WASF2: variants seen among roughly 807,000 people sequenced by gnomAD.
WASF2 encodes actin-binding protein WASF2.
WASF2 carries 14 observed loss-of-function variants against 45.0 expected under a neutral mutation model. The ratio of observed to expected loss-of-function variants is 0.31; its 90% CI spans 0.21 to 0.49. WASF2 has a LOEUF of 0.49. WASF2 is among the 20% of genes least tolerant of loss of function. The pLI is 0.99. For missense variants in WASF2, 439 were observed against 636.1 expected (o/e 0.69, Z 3.33); for synonymous variants, 200 against 236.3 (o/e 0.85, Z 1.41).
intron 1 of WASF2, among the ~76,000 whole-genome samples, chr1:27,438,673 C>T (rs188140606): frequency 2.6e-5 from 4 of 152,246 alleles, no homozygotes; most frequent in Admixed American, 2.0e-4. Flanking sequence ...AGCAGGTGGG[C>T]GGAAGCAGCA....
At chr1:27,415,860 G>T in intron 5 of WASF2, 125 bp downstream of exon 5, 1 of 765,466 alleles carries the variant, frequency 1.3e-6, no homozygotes, top group Non-Finnish European at 2.2e-6. Flanking sequence ...TTTTTTAAGA[G>T]TTTCACCTGG....
At chr1:27,485,195 ATTTG>A (rs1025894000) in intron 1 of WASF2, among the ~76,000 whole-genome samples, 4 of 152,130 alleles carry the variant, frequency 2.6e-5, no homozygotes, top group East Asian at 1.9e-4. Flanking sequence ...TCTGCATTTG[ATTTG>A]TTTTTCTCTG....
chr1:27,456,309 G>A (rs2017465900), intron 1 of WASF2, among the ~76,000 whole-genome samples: 3 of 97,222 alleles, frequency 3.1e-5, no homozygotes, highest in Admixed American at 1.3e-4. Flanking sequence ...GCTACAGAGC[G>A]AGACTCTAAA....
At chr1:27,438,746 T>C (rs933616443) in intron 1 of WASF2, among the ~76,000 whole-genome samples, 1 of 152,190 alleles carries the variant, frequency 6.6e-6, no homozygotes, top group Admixed American at 6.5e-5. Flanking sequence ...CAATCACAAC[T>C]ACATGTGAGA....
At chr1:27,440,990 C>T (rs1411626504) in intron 1 of WASF2, among the ~76,000 whole-genome samples, 1 of 152,014 alleles carries the variant, frequency 6.6e-6, no homozygotes, top group East Asian at 1.9e-4. Flanking sequence ...CCTTAGCCTC[C>T]CAAGTAGCTG....
rs752007332 is a variant in WASF2, at chr1:27,428,721, G to A, written c.130+40C>T. On this transcript the variant is annotated intron_variant, in intron 2 of 8. Coordinates refer to ENST00000618852, the MANE Select transcript of WASF2 (RefSeq NM_006990.5). ...AGGAAACTAAATAAAGAGCACCAAC[G>A]ACCCCTGAGGGCAAAGCACAGGCTC... 5.6e-6 allele frequency: 9 copies of A among 1,613,704 alleles called. No homozygotes were observed. In the African/African-American group the frequency reaches 6.7e-5, roughly 12 times the overall value.
At chr1:27,409,395 A>C (rs1367278358) in intron 8 of WASF2, among the ~76,000 whole-genome samples, 3 of 137,084 alleles carry the variant, frequency 2.2e-5, no homozygotes, top group Non-Finnish European at 4.6e-5. Flanking sequence ...ACTGCACTCC[A>C]GCCTGGGCAA....
chr1:27,418,793 A>G (rs1254464049), intron 3 of WASF2, among the ~76,000 whole-genome samples, 161 bp downstream of exon 3: 1 of 151,992 alleles, frequency 6.6e-6, no homozygotes, highest in East Asian at 1.9e-4. Flanking sequence ...GGAGCTAAAA[A>G]GGTTCTTTCC....
In WASF2 at chr1:27,458,752, C is replaced by T. The variant is rs2017506992; in HGVS notation, c.-43-29819G>A. On this transcript the variant is annotated intron_variant, in intron 1 of 8. Coordinates refer to ENST00000618852, the MANE Select transcript of WASF2 (RefSeq NM_006990.5). ...AGGTTGCAGTGAGCCGAGATCACGC[C>T]TCTGCACTCCAGCCTCGGTGACAGA... Among the ~76,000 whole-genome samples, 4 of 152,120 alleles carry T rather than the reference C, an allele frequency of 2.6e-5. No individual in the cohort carries two copies. The South Asian group carries it at 8.3e-4, about 32-fold the overall frequency.
chr1:27,415,048 T>C, intron 5 of WASF2, 85 bp from the exon 6 acceptor site: 3 of 1,504,890 alleles, frequency 2.0e-6, no homozygotes, highest in Non-Finnish European at 2.7e-6. Flanking sequence ...TGGATGCGTA[T>C]CTAAGAGATA....
At chr1:27,468,131 C>T (rs2017640494) in intron 1 of WASF2, among the ~76,000 whole-genome samples, 1 of 151,886 alleles carries the variant, frequency 6.6e-6, no homozygotes, top group Non-Finnish European at 1.5e-5. Flanking sequence ...TGGGGTTTTA[C>T]CATGTTGACC....
intron 1 of WASF2, among the ~76,000 whole-genome samples, chr1:27,485,054 G>A (rs975484804): frequency 6.6e-6 from 1 of 152,042 alleles, no homozygotes; most frequent in African/African-American, 2.4e-5. Flanking sequence ...GGAGGCTGAG[G>A]CAGGAGAATT....
intron 6 of WASF2, among the ~76,000 whole-genome samples, 188 bp from the exon 7 acceptor site, chr1:27,412,915 T>C (rs990724263): frequency 6.6e-6 from 1 of 152,242 alleles, no homozygotes; most frequent in African/African-American, 2.4e-5. Context: ...TTGTCAAATA[T>C]ATCCCAGATA....
rs1181805193 is a variant in WASF2, at chr1:27,487,559, T to G, written c.-44+2427A>C. Among the ~76,000 whole-genome samples the G allele has an allele frequency of 4.0e-4, 41 of 102,332 alleles. 1 individual carries two copies. Among genetic ancestry groups the G allele is most frequent in the African/African-American group, 1.5e-3 (38 of 25,498 alleles). The allele number at this position is 102,332 out of a possible 152,430, so 67.1% of individuals were successfully genotyped here. A position where few individuals can be genotyped will look rare whatever the true frequency, so the allele number is the denominator to read the frequency against. ...ATATATAATATATATTATATATATT[T>G]TATACAATATATAATATATATTATA... On this transcript the variant is annotated intron_variant, in intron 1 of 8. Transcript: ENST00000618852.
Position 27,414,733 on chromosome 1 carries a change from C to A in WASF2, c.668+100G>T. On this transcript the variant is annotated intron_variant, in intron 6 of 8. Transcript: ENST00000618852. The surrounding 1 kb of genome is among the most constrained non-coding windows in gnomAD (Gnocchi z 4.1). ...GTGGTATTGATCTAAGCCACAGAGACAGACTTCAGGGGGTGTGAAAGGTGT... is the reference window on the plus strand; with the variant it reads ...GTGGTATTGATCTAAGCCACAGAGAAAGACTTCAGGGGGTGTGAAAGGTGT... 6.7e-7 allele frequency: 1 copy of A among 1,482,698 alleles called. No homozygotes were observed. The highest frequency in any genetic ancestry group is 1.3e-5 in the South Asian group (1 of 74,096). 91.8% of individuals were successfully genotyped at this position (1,482,698 alleles called of 1,614,324 possible).
Position 27,404,446 on chromosome 1 carries a change from GA to G in WASF2, c.*3742del, listed in dbSNP as rs2016633719. ...GTCTGAGAAGAATAGGGCAGAAGAG[GA>G]AAGGGTCACTTTAGGGGTCTGGCTT... On this transcript the variant is annotated 3_prime_UTR_variant, in exon 9 of 9. Transcript: ENST00000618852. The G allele has an allele frequency of 6.6e-6, 1 of 152,150 alleles. No individual in the cohort carries two copies. The highest frequency in any genetic ancestry group is 2.1e-4 in the South Asian group (1 of 4,822). The allele number at this position is 152,150 out of a possible 1,614,324, so 9.4% of individuals were successfully genotyped here. A position where few individuals can be genotyped will look rare whatever the true frequency, so the allele number is the denominator to read the frequency against.
intron 1 of WASF2, among the ~76,000 whole-genome samples, chr1:27,468,060 A>C (rs2017639874): frequency 6.6e-6 from 1 of 152,090 alleles, no homozygotes; most frequent in African/African-American, 2.4e-5. Flanking sequence ...CAGTCACCCA[A>C]GTAGATGGGA....
chr1:27,418,235 A>T (rs375142141), intron 4 of WASF2, 34 bp downstream of exon 4: 96 of 1,596,252 alleles, frequency 6.0e-5, no homozygotes, highest in Non-Finnish European at 6.6e-5. Flanking sequence ...ATTAAACCAT[A>T]GGTTGAAAAA....
At chr1:27,482,778 A>G (rs919775364) in intron 1 of WASF2, among the ~76,000 whole-genome samples, 1 of 152,190 alleles carries the variant, frequency 6.6e-6, no homozygotes, top group South Asian at 2.1e-4. Context: ...AACCAGAAAG[A>G]AGGAGAAAAA....
Sources: gnomAD v4.1 joint callset for allele counts (sites outside exome capture counted in the v4.1 genomes callset) on GRCh38, gnomAD v4.1.1 for gene constraint, Gnocchi (gnomAD v3.1) non-coding constraint, MANE v1.5 for transcripts, NCBI Gene and HGNC (gene_info 2026-07-23, HGNC 2026-07-21) for gene names.